The following PLGRKT variants were observed in gnomAD, a reference collection of about 807,000 sequenced individuals.
PLGRKT encodes plasminogen receptor with a C-terminal lysine.
A neutral mutation model predicts 18.5 loss-of-function variants in PLGRKT; 22 were observed. The ratio of observed to expected loss-of-function variants is 1.19; its 90% CI spans 0.85 to 1.70. PLGRKT has a LOEUF of 1.70. PLGRKT is among the 40% of genes most tolerant of loss of function. PLGRKT has a pLI of 0.00. For missense variants in PLGRKT, 235 were observed against 174.4 expected (o/e 1.35, Z -1.96); for synonymous variants, 72 against 52.8 (o/e 1.36, Z -1.58).
chr9:5,414,097 G>T (rs942574764), intron 3 of PLGRKT, among the ~76,000 whole-genome samples: 3 of 152,104 alleles, frequency 2.0e-5, no homozygotes, highest in Admixed American at 2.0e-4. Context: ...GTGGGAACAG[G>T]GTATTATAAA....
intron 3 of PLGRKT, among the ~76,000 whole-genome samples, chr9:5,424,668 T>TTATATATATATATATATATA (rs375682412): frequency 5.4e-4 from 61 of 113,122 alleles, no homozygotes; most frequent in African/African-American, 2.3e-3. Context: ...ATTATATATT[T>TTATATATATATATATATATA]TATATATATA....
chr9:5,380,916 C>T (rs973474516), intron 3 of PLGRKT, among the ~76,000 whole-genome samples: 1 of 152,150 alleles, frequency 6.6e-6, no homozygotes, highest in African/African-American at 2.4e-5. Context: ...GTGGGTGGTT[C>T]CCCCCATGCT....
At chr9:5,373,688 C>T (rs1475427007) in intron 3 of PLGRKT, among the ~76,000 whole-genome samples, 3 of 152,012 alleles carry the variant, frequency 2.0e-5, no homozygotes, top group Non-Finnish European at 4.4e-5. Context: ...GTCTTGGCTA[C>T]TTGGCAGGCT....
chr9:5,410,418 G>A (rs1398325029), intron 3 of PLGRKT, among the ~76,000 whole-genome samples: 1 of 151,126 alleles, frequency 6.6e-6, no homozygotes, highest in Non-Finnish European at 1.5e-5. Context: ...CTTGAACCCA[G>A]GAGGCAGAGG....
chr9:5,414,016 A>T (rs1244960602), intron 3 of PLGRKT, among the ~76,000 whole-genome samples: 2 of 152,230 alleles, frequency 1.3e-5, no homozygotes, highest in Admixed American at 1.3e-4. Flanking sequence ...TATTAACTGT[A>T]CCAAATCAAT....
chr9:5,425,087 C>T (rs1818670383), intron 3 of PLGRKT, among the ~76,000 whole-genome samples: 1 of 152,076 alleles, frequency 6.6e-6, no homozygotes, highest in Admixed American at 6.6e-5. Flanking sequence ...ATTTACTGCC[C>T]AGCTAATCTT....
rs139380951 is a variant in PLGRKT, at chr9:5,385,865, T to A, written c.82-23977A>T. Among the ~76,000 whole-genome samples, 1,117 of 152,024 alleles carry A rather than the reference T, an allele frequency of 7.3e-3. 43 individuals carry two copies. Among genetic ancestry groups the A allele is most frequent in the African/African-American group, 0.026 (1,075 of 41,310 alleles). On this transcript the variant is annotated intron_variant, in intron 3 of 5. Transcript: ENST00000223864. ...CAGCAAAACCCTTGGAAGACAGAGA[T>A]GGTGTCTCTCTCAAGAGAAAAGGAA... is the stretch of plus-strand genomic sequence containing the variant.
chr9:5,416,402 G>C (rs1818459157), intron 3 of PLGRKT, among the ~76,000 whole-genome samples: 1 of 152,152 alleles, frequency 6.6e-6, no homozygotes, highest in Admixed American at 6.5e-5. Context: ...GGGTGACTAT[G>C]TGTCTGTCTG....
intron 3 of PLGRKT, among the ~76,000 whole-genome samples, chr9:5,395,233 C>A (rs1367700112): frequency 6.6e-6 from 1 of 151,842 alleles, no homozygotes; most frequent in African/African-American, 2.4e-5. Flanking sequence ...AGTTCATGCA[C>A]AAATACATTA....
intron 3 of PLGRKT, among the ~76,000 whole-genome samples, chr9:5,428,178 C>T (rs1335438000): frequency 2.6e-5 from 4 of 152,146 alleles, no homozygotes; most frequent in South Asian, 2.1e-4. Flanking sequence ...CTAAAAGCGT[C>T]AGAAACTTGT....
At chr9:5,409,004 T>C (rs1563783458) in intron 3 of PLGRKT, among the ~76,000 whole-genome samples, 2 of 152,204 alleles carry the variant, frequency 1.3e-5, no homozygotes, top group East Asian at 1.9e-4. Context: ...CTTGGGAGCC[T>C]CTTCCTAGAT....
chr9:5,367,663 T>C (rs1817424173), intron 3 of PLGRKT, among the ~76,000 whole-genome samples: 1 of 152,070 alleles, frequency 6.6e-6, no homozygotes, highest in Admixed American at 6.6e-5. Flanking sequence ...AATAAACCAT[T>C]CGGGACATTG....
chr9:5,417,938 T>C (rs770814409), intron 3 of PLGRKT, among the ~76,000 whole-genome samples: 7 of 152,248 alleles, frequency 4.6e-5, no homozygotes, highest in Non-Finnish European at 7.3e-5. Flanking sequence ...ATGTCTTAAC[T>C]GAATTTTTAC....
chr9:5,412,874 G>A (rs1818391447), intron 3 of PLGRKT, among the ~76,000 whole-genome samples: 2 of 151,822 alleles, frequency 1.3e-5, no homozygotes, highest in Non-Finnish European at 2.9e-5. Context: ...TAGACAAGAG[G>A]CCAATACTCC....
chr9:5,422,567 CA>C lies in PLGRKT; in HGVS notation c.81+9329del, dbSNP rs562649585. 3.3e-5 allele frequency among the ~76,000 whole-genome samples: 5 copies of C among 152,300 alleles called. No homozygotes were observed. In the South Asian group the frequency reaches 1.0e-3, roughly 32 times the overall value. The stretch of plus-strand genomic sequence containing the variant: ...AGAAAGACTTAGGAGTCATAATAAT[CA>C]ACTATAGTAGGAAAACTTTGCTTGG... On this transcript the variant is annotated intron_variant, in intron 3 of 5. Coordinates refer to ENST00000223864, the MANE Select transcript of PLGRKT (RefSeq NM_018465.4).
At chr9:5,396,232 A>T (rs1818045993) in intron 3 of PLGRKT, among the ~76,000 whole-genome samples, 1 of 151,330 alleles carries the variant, frequency 6.6e-6, no homozygotes, top group African/African-American at 2.4e-5. Flanking sequence ...ATTCTGAAAG[A>T]CTCTCTCAAG....
At chr9:5,438,300 T>A (rs1463201630), upstream of PLGRKT, among the ~76,000 whole-genome samples, 2 of 152,206 alleles carry the variant, frequency 1.3e-5, no homozygotes, top group East Asian at 3.9e-4. Context: ...ATTTCTATCT[T>A]GAATAAGCCA....
At chr9:5,395,720 A>C (rs1230091969) in intron 3 of PLGRKT, among the ~76,000 whole-genome samples, 1 of 151,856 alleles carries the variant, frequency 6.6e-6, no homozygotes, top group Admixed American at 6.6e-5. Context: ...TATCTCTTGA[A>C]ATAGGCAAAA....
upstream of PLGRKT, among the ~76,000 whole-genome samples, chr9:5,438,296 A>G (rs537801918): frequency 6.6e-6 from 1 of 152,300 alleles, no homozygotes; most frequent in East Asian, 1.9e-4. Flanking sequence ...AGCAATTTCT[A>G]TCTTGAATAA....
Sources: allele counts gnomAD v4.1 joint callset (sites outside exome capture counted in the v4.1 genomes callset), GRCh38; gene constraint gnomAD v4.1.1; transcripts MANE v1.5; gene names NCBI Gene and HGNC (gene_info 2026-07-23, HGNC 2026-07-21).